Variants in ST6GALNAC5 observed in about 807,000 individuals in gnomAD.
The protein encoded by ST6GALNAC5 is alpha-N-acetylgalactosaminide alpha-2,6-sialyltransferase 5.
In ST6GALNAC5, 27 loss-of-function variants were observed where a neutral mutation model predicts 33.6. That is an observed-to-expected ratio of 0.80 (90% CI 0.59 to 1.11). The LOEUF (loss-of-function observed/expected upper bound fraction) is 1.11. Ranked by LOEUF, ST6GALNAC5 falls within the 50% of genes least tolerant of loss-of-function variation. ST6GALNAC5 has a pLI of 0.00. For synonymous variants in ST6GALNAC5, 194 were observed against 171.2 expected, an observed-to-expected ratio of 1.13 and a Z score of -1.04; for missense variants, 428 against 454.0, an observed-to-expected ratio of 0.94 and a Z score of 0.52.
At chr1:77,053,163 A>G (rs1322110716) in intron 4 of ST6GALNAC5, among the ~76,000 whole-genome samples, 1 of 152,202 alleles carries the variant, frequency 6.6e-6, no homozygotes, top group Non-Finnish European at 1.5e-5. Context: ...TCTGCTACTC[A>G]TTTGACCATT....
At chr1:77,028,329 T>A (rs962549500) in intron 2 of ST6GALNAC5, among the ~76,000 whole-genome samples, 1 of 152,112 alleles carries the variant, frequency 6.6e-6, no homozygotes, top group Admixed American at 6.5e-5. Context: ...AATCAAAGGA[T>A]GGAAAATCTC....
Position 77,044,384 on chromosome 1 carries a change from A to G in ST6GALNAC5, c.442A>G (p.Ser148Gly), listed in dbSNP as rs1651935363. ...CAGCCTGAGGGTCATCGCGCATTCC[A>G]GCATCCAGAGGATCCTCCGCAACCG... ...RTSLRVIAHS[S>G]IQRILRNRHD... Residue 148 changes from serine (S) to glycine (G), a missense_variant, in exon 3 of 5, where the codon AGC becomes GGC. By Grantham distance (56) the Ser-to-Gly change is moderately conservative. Transcript: ENST00000477717. The G allele has an allele frequency of 6.2e-7, 1 of 1,613,804 alleles. No individual in the cohort carries two copies.
intron 2 of ST6GALNAC5, among the ~76,000 whole-genome samples, chr1:76,900,849 A>G (rs1318656930): frequency 6.6e-6 from 1 of 152,158 alleles, no homozygotes. Context: ...AATCACATTG[A>G]TTTGTTGAGA....
chr1:76,972,979 T>G (rs759365900), intron 2 of ST6GALNAC5, among the ~76,000 whole-genome samples: 1 of 148,834 alleles, frequency 6.7e-6, no homozygotes, highest in Non-Finnish European at 1.5e-5. Flanking sequence ...ATTTTTCCAT[T>G]GGTCTGTTGG....
At chr1:76,907,383 A>T (rs1570659840) in intron 2 of ST6GALNAC5, among the ~76,000 whole-genome samples, 1 of 152,036 alleles carries the variant, frequency 6.6e-6, no homozygotes, top group Non-Finnish European at 1.5e-5. Flanking sequence ...GGGACAGAAA[A>T]AGCACTTGAG....
intron 2 of ST6GALNAC5, among the ~76,000 whole-genome samples, chr1:77,025,495 G>C (rs1384420346): frequency 9.9e-5 from 15 of 151,326 alleles, no homozygotes; most frequent in Admixed American, 9.9e-4. Flanking sequence ...ACTCCAGACT[G>C]GGCGACAGAG....
chr1:77,005,482 A>T (rs1440400731), intron 2 of ST6GALNAC5, among the ~76,000 whole-genome samples: 1 of 152,200 alleles, frequency 6.6e-6, no homozygotes, highest in Non-Finnish European at 1.5e-5. Context: ...TGTAGACCGG[A>T]GCTGTTCCTA....
In ST6GALNAC5 at chr1:77,065,264, A is replaced by G. The variant is rs567958247; in HGVS notation, c.*2058A>G. On this transcript the variant is annotated 3_prime_UTR_variant, in exon 5 of 5. Transcript: ENST00000477717. The stretch of plus-strand genomic sequence containing the variant: ...AATTTCTATATTTGTGGAAATTTGG[A>G]AAGGCATAGTTTCAACATGCAAGAA... The G allele has an allele frequency of 6.6e-6, 1 of 152,342 alleles. No homozygotes were observed. The highest frequency in any genetic ancestry group is 2.4e-5 in the African/African-American group (1 of 41,576). 9.4% of individuals were successfully genotyped at this position (152,342 alleles called of 1,614,324 possible).
chr1:76,954,609 G>A (rs1647882355), intron 2 of ST6GALNAC5, among the ~76,000 whole-genome samples: 1 of 152,068 alleles, frequency 6.6e-6, no homozygotes, highest in Admixed American at 6.6e-5. Context: ...AAGAACATAA[G>A]GGCCCAGAGG....
intron 2 of ST6GALNAC5, among the ~76,000 whole-genome samples, chr1:77,022,499 C>T (rs1651091631): frequency 1.3e-5 from 2 of 152,154 alleles, no homozygotes; most frequent in South Asian, 4.1e-4. Flanking sequence ...TAGAGGGAAT[C>T]ATGGGACTCA....
At chr1:76,987,494 AT>A (rs2100391187) in intron 2 of ST6GALNAC5, among the ~76,000 whole-genome samples, 1 of 152,308 alleles carries the variant, frequency 6.6e-6, no homozygotes, top group East Asian at 1.9e-4. Context: ...GCTGGTCAGA[AT>A]GCAAAATGTT....
chr1:77,040,581 C>T (rs561553338), intron 2 of ST6GALNAC5, among the ~76,000 whole-genome samples: 73 of 152,150 alleles, frequency 4.8e-4, no homozygotes, highest in African/African-American at 1.4e-3. Flanking sequence ...AAAGAGAGAG[C>T]GCCAGGTCCT....
rs563598911 is a variant in ST6GALNAC5 at position 76,926,144 on chromosome 1, C to T, written c.261+57402C>T. On this transcript the variant is annotated intron_variant, in intron 2 of 4. Transcript: ENST00000477717. ...TTCTCTTCCTTGTAGTTTTATTTTT[C>T]TTGTTATGAAATAAAGCAAAGTAAT... Among the ~76,000 whole-genome samples the T allele has an allele frequency of 1.8e-4, 27 of 152,176 alleles. No individual in the cohort carries two copies. The East Asian group carries it at 4.5e-3, about 25-fold the overall frequency.
intron 2 of ST6GALNAC5, among the ~76,000 whole-genome samples, chr1:77,003,213 T>C (rs1481083827): frequency 1.9e-5 from 1 of 53,182 alleles, no homozygotes; most frequent in Non-Finnish European, 4.8e-5. Flanking sequence ...AGTTAGCTCT[T>C]CTTGTTGAAT....
chr1:76,945,197 G>A lies in ST6GALNAC5; in HGVS notation c.261+76455G>A, dbSNP rs375663096. 5.3e-5 allele frequency among the ~76,000 whole-genome samples: 8 copies of A among 151,994 alleles called. No homozygotes were observed. In the East Asian group the frequency reaches 1.2e-3, roughly 22 times the overall value. ...ATCTAGAGGACTTGGGGTTAAGGCC[G>A]AGTTATTCTTCAAGTACACAATTAT... is the stretch of plus-strand genomic sequence containing the variant. On this transcript the variant is annotated intron_variant, in intron 2 of 4. Transcript: ENST00000477717.
intron 2 of ST6GALNAC5, among the ~76,000 whole-genome samples, chr1:76,878,228 G>A (rs992153856): frequency 2.6e-5 from 4 of 152,080 alleles, no homozygotes; most frequent in African/African-American, 9.7e-5. Flanking sequence ...GCTTCCATTT[G>A]GCCTTTCCCA....
At chr1:77,030,225 T>A (rs374158873) in intron 2 of ST6GALNAC5, among the ~76,000 whole-genome samples, 2 of 152,230 alleles carry the variant, frequency 1.3e-5, no homozygotes, top group East Asian at 3.8e-4. Flanking sequence ...TTCTTTCCAG[T>A]CCTTTCACTG....
At chr1:77,031,188 G>A (rs1308159219) in intron 2 of ST6GALNAC5, among the ~76,000 whole-genome samples, 2 of 152,254 alleles carry the variant, frequency 1.3e-5, no homozygotes, top group Non-Finnish European at 2.9e-5. Flanking sequence ...ATGAGTAGAC[G>A]GTGCCTTTGT....
At chr1:76,993,784 C>G (rs1047674411) in intron 2 of ST6GALNAC5, among the ~76,000 whole-genome samples, 2 of 152,114 alleles carry the variant, frequency 1.3e-5, no homozygotes, top group Admixed American at 1.3e-4. Context: ...TTATCCAACT[C>G]TCTCCTCTTT....
Sources: allele counts gnomAD v4.1 joint callset (sites outside exome capture counted in the v4.1 genomes callset), GRCh38; gene constraint gnomAD v4.1.1; transcripts MANE v1.5; gene names NCBI Gene and HGNC (gene_info 2026-07-23, HGNC 2026-07-21).